FYN: variants seen among roughly 807,000 people sequenced by gnomAD.
The protein encoded by FYN is tyrosine-protein kinase Fyn.
A neutral mutation model predicts 70.2 loss-of-function variants in FYN; 10 were observed. The ratio of observed to expected loss-of-function variants is 0.14; its 90% confidence interval spans 0.09 to 0.24. The LOEUF is 0.24. FYN is among the 10% of genes least tolerant of loss of function. The probability of loss-of-function intolerance (pLI) is 1.00; values close to 1 mark genes in which losing one functional copy is unlikely to be tolerated. For synonymous variants in FYN, 236 were observed against 248.6 expected (o/e 0.95, Z 0.48); for missense variants, 319 against 673.1 (o/e 0.47, Z 5.82).
chr6:111,855,929 C>G lies in FYN; in HGVS notation c.-122-9300G>C, dbSNP rs144217863. Among the ~76,000 whole-genome samples the G allele has an allele frequency of 8.7e-4, 133 of 152,272 alleles. 1 individual carries two copies. In the East Asian group the frequency reaches 0.014, roughly 16 times the overall value. On this transcript the variant is annotated intron_variant, in intron 1 of 13. Transcript: ENST00000354650. ...GTGTTCAAGATTTAATTCTGAAATT[C>G]TGTTCTGATGTTTTGTAATATCTTG...
chr6:111,868,786 T>C (rs1226781014), intron 1 of FYN, among the ~76,000 whole-genome samples: 1 of 152,114 alleles, frequency 6.6e-6, no homozygotes, highest in Non-Finnish European at 1.5e-5. Flanking sequence ...GCTACTAAAG[T>C]TTGCTTCAAT....
At chr6:111,709,841 T>A (rs780320284) in intron 5 of FYN, among the ~76,000 whole-genome samples, 1 of 152,188 alleles carries the variant, frequency 6.6e-6, no homozygotes, top group Non-Finnish European at 1.5e-5. Flanking sequence ...TAAGCACCCC[T>A]CTCTTTGAGG....
intron 10 of FYN, among the ~76,000 whole-genome samples, 193 bp downstream of exon 10, chr6:111,696,083 TG>T (rs1352362413): frequency 6.6e-6 from 1 of 152,170 alleles, no homozygotes; most frequent in East Asian, 1.9e-4. Context: ...CATAAGGATT[TG>T]GGGTGGGGTA....
intron 9 of FYN, among the ~76,000 whole-genome samples, chr6:111,698,401 G>A (rs1382170216): frequency 1.3e-5 from 2 of 152,144 alleles, no homozygotes; most frequent in African/African-American, 2.4e-5. Context: ...CCAAAGTGCT[G>A]GGATTACAGG....
At chr6:111,839,732 G>A (rs1773297663) in intron 2 of FYN, among the ~76,000 whole-genome samples, 1 of 152,166 alleles carries the variant, frequency 6.6e-6, no homozygotes, top group Non-Finnish European at 1.5e-5. Flanking sequence ...AGGAAAAAAG[G>A]ATTTTTCAGG....
At chr6:111,829,525 CAG>C (rs1164317533) in intron 2 of FYN, among the ~76,000 whole-genome samples, 3 of 152,092 alleles carry the variant, frequency 2.0e-5, no homozygotes. Context: ...TTGTTAAGCA[CAG>C]AACAGACACC....
At chr6:111,787,604 A>G (rs1771448564) in intron 2 of FYN, among the ~76,000 whole-genome samples, 1 of 152,240 alleles carries the variant, frequency 6.6e-6, no homozygotes, top group African/African-American at 2.4e-5. Context: ...ACAACCTTGT[A>G]CAGGGCCTGG....
At chr6:111,858,729 G>A (rs7768046) in intron 1 of FYN, among the ~76,000 whole-genome samples, 109,310 of 151,684 alleles carry the variant, frequency 0.72, 41,364 homozygotes, top group East Asian at 0.94. Flanking sequence ...CAGGGCAACA[G>A]CAATTAGGAG....
In FYN at chr6:111,829,210, C is replaced by G. The variant is rs182680869; in HGVS notation, c.-82+17379G>C. Among the ~76,000 whole-genome samples the G allele has an allele frequency of 4.6e-5, 7 of 152,286 alleles. No individual in the cohort carries two copies. The East Asian group carries it at 1.3e-3, about 29-fold the overall frequency. ...TCAGATTTTCAAAACAGTCTTAACTCACCATCATCCTCTCATAGAGGAGAA... is the reference window on the plus strand; with the variant it reads ...TCAGATTTTCAAAACAGTCTTAACTGACCATCATCCTCTCATAGAGGAGAA... On this transcript the variant is annotated intron_variant, in intron 2 of 13. Coordinates refer to ENST00000354650, the MANE Select transcript of FYN (RefSeq NM_002037.5).
At chr6:111,674,473 C>T in intron 13 of FYN, 26 bp downstream of exon 13, 1 of 1,595,220 alleles carries the variant, frequency 6.3e-7, no homozygotes, top group Non-Finnish European at 8.6e-7. Context: ...AATCTCAGGC[C>T]CATGTCTGTG....
chr6:111,808,258 G>A (rs1772214565), intron 2 of FYN, among the ~76,000 whole-genome samples: 1 of 152,200 alleles, frequency 6.6e-6, no homozygotes, highest in African/African-American at 2.4e-5. Flanking sequence ...GAGACAGGTG[G>A]CACCCTCAAA....
At chr6:111,749,516 G>T (rs1802392606) in intron 3 of FYN, among the ~76,000 whole-genome samples, 1 of 152,160 alleles carries the variant, frequency 6.6e-6, no homozygotes, top group Admixed American at 6.5e-5. Flanking sequence ...ATTAAAACAT[G>T]AACACAAAAT....
At chr6:111,672,862 T>C (rs1798348232) in intron 13 of FYN, among the ~76,000 whole-genome samples, 2 of 152,094 alleles carry the variant, frequency 1.3e-5, no homozygotes, top group African/African-American at 4.8e-5. Context: ...TTCTTTATGC[T>C]AAAACCAAAC....
intron 3 of FYN, among the ~76,000 whole-genome samples, chr6:111,726,020 T>C (rs1370051348): frequency 5.3e-5 from 8 of 152,152 alleles, no homozygotes; most frequent in Non-Finnish European, 8.8e-5. Flanking sequence ...CACAGCTGCC[T>C]TTAAAGATGA....
intron 3 of FYN, chr6:111,759,796 T>C (rs1460407957): frequency 2.6e-5 from 4 of 152,212 alleles, no homozygotes; most frequent in African/African-American, 7.2e-5. Flanking sequence ...GATTATTTAA[T>C]TGTCACCAGA....
chr6:111,831,873 T>C (rs73529824), intron 2 of FYN, among the ~76,000 whole-genome samples: 1,725 of 152,264 alleles, frequency 0.011, 30 homozygotes, highest in African/African-American at 0.04. Flanking sequence ...TGGTGTCTGA[T>C]AGATTAAATG....
chr6:111,686,622 T>TA (rs1443346003), intron 12 of FYN, among the ~76,000 whole-genome samples: 1 of 152,246 alleles, frequency 6.6e-6, no homozygotes, highest in Non-Finnish European at 1.5e-5. Flanking sequence ...TGGGAAGAAT[T>TA]AGATTAAATT....
intron 8 of FYN, among the ~76,000 whole-genome samples, chr6:111,701,475 G>C (rs972635500): frequency 6.6e-6 from 1 of 152,136 alleles, no homozygotes; most frequent in African/African-American, 2.4e-5. Flanking sequence ...TTATGTGTCA[G>C]CATTTCAAAG....
At chr6:111,842,499 C>T (rs967175460) in intron 2 of FYN, among the ~76,000 whole-genome samples, 51 of 152,156 alleles carry the variant, frequency 3.4e-4, no homozygotes, top group Non-Finnish European at 6.3e-4. Flanking sequence ...CACGCATTTG[C>T]GCGGTACACC....
Sources: gnomAD v4.1 joint callset for allele counts (sites outside exome capture counted in the v4.1 genomes callset) on GRCh38, gnomAD v4.1.1 for gene constraint, MANE v1.5 for transcripts, NCBI Gene and HGNC (gene_info 2026-07-23, HGNC 2026-07-21) for gene names.